The following SLCO4A1 variants were observed in gnomAD, a reference collection of about 807,000 sequenced individuals.
SLCO4A1 encodes solute carrier organic anion transporter family member 4A1.
A neutral mutation model predicts 64.6 loss-of-function variants in SLCO4A1; 51 were observed. That is an observed-to-expected ratio of 0.79 (90% CI 0.63 to 1.00). SLCO4A1 has a LOEUF of 1.00. Ranked by LOEUF, SLCO4A1 falls within the 50% of genes least tolerant of loss-of-function variation. The probability of loss-of-function intolerance (pLI) is 0.00; values close to 1 mark genes in which losing one functional copy is unlikely to be tolerated. For synonymous variants in SLCO4A1, 471 were observed against 444.9 expected, an observed-to-expected ratio of 1.06 and a Z score of -0.74; for missense variants, 919 against 980.5, an observed-to-expected ratio of 0.94 and a Z score of 0.84.
chr20:62,653,781 A>G (rs12233293), intron 1 of SLCO4A1, among the ~76,000 whole-genome samples: 2 of 152,146 alleles, frequency 1.3e-5, no homozygotes, highest in East Asian at 3.9e-4. Context: ...AGGGCTTAAA[A>G]AATAGTTTAT....
chr20:62,661,847 C>T lies in SLCO4A1; in HGVS notation c.1121+672C>T, dbSNP rs957648499. Among the ~76,000 whole-genome samples the T allele has an allele frequency of 1.3e-5, 2 of 151,888 alleles. No homozygotes were observed. The highest frequency in any genetic ancestry group is 2.9e-5 in the Non-Finnish European group (2 of 67,966). On this transcript the variant is annotated intron_variant, in intron 5 of 11. Coordinates refer to ENST00000217159, the MANE Select transcript of SLCO4A1 (RefSeq NM_016354.4). The surrounding 1 kb of genome is among the most constrained non-coding windows in gnomAD (Gnocchi z 5.2). ...CTAGGGTGAACCCGGGGCCCTGAGC[C>T]GGTGGGGTCCTAGAGGGACAACAGA...
chr20:62,666,545 T>G lies in SLCO4A1; in HGVS notation c.1442T>G (p.Met481Arg), dbSNP rs1223259208. The change falls in exon 7 of 12, where the codon ATG (methionine) becomes AGG (arginine). Residue 481 changes from methionine (M) to arginine (R), a missense_variant. Transcript: ENST00000217159. ...VFSLHCPSVP[M>R]AGVTASYGGS... ...TCACTGCACTGCCCCAGTGTGCCCATGGCGGGCGTCACAGCCAGCTACGGC... is the reference window on the plus strand; with the variant it reads ...TCACTGCACTGCCCCAGTGTGCCCAGGGCGGGCGTCACAGCCAGCTACGGC... 1 of 1,612,962 alleles carries G rather than the reference T, an allele frequency of 6.2e-7. No homozygotes were observed. The highest frequency in any genetic ancestry group is 8.5e-7 in the Non-Finnish European group (1 of 1,179,930).
intron 9 of SLCO4A1, 71 bp downstream of exon 9, chr20:62,668,255 C>G (rs372655368): frequency 8.3e-6 from 13 of 1,561,282 alleles, no homozygotes; most frequent in Non-Finnish European, 1.1e-5. Context: ...CTCTGCAGAT[C>G]CTGAGACAGG....
intron 1 of SLCO4A1, among the ~76,000 whole-genome samples, chr20:62,652,616 C>T (rs1290339223): frequency 3.9e-5 from 6 of 152,222 alleles, no homozygotes; most frequent in African/African-American, 7.2e-5. Flanking sequence ...CTTGGGGAGG[C>T]GTGGAGCATT....
At chr20:62,652,895 G>A (rs917484874) in intron 1 of SLCO4A1, among the ~76,000 whole-genome samples, 4 of 152,196 alleles carry the variant, frequency 2.6e-5, no homozygotes, top group African/African-American at 4.8e-5. Context: ...GAGCGTGCAC[G>A]GCTCTTTCAG....
Position 62,656,788 on chromosome 20 carries a change from G to A in SLCO4A1, c.334G>A (p.Ala112Thr). Residue 112 changes from alanine (A) to threonine (T), a missense_variant, in exon 2 of 12, where the codon GCC becomes ACC. Physicochemically the swap from Ala to Thr is moderately conservative, Grantham distance 58 (BLOSUM62 0). Transcript: ENST00000217159. ...GGGCATCCTGTTCTTCCTGTGTGCG[G>A]CCGCATTCCTGCAGGGGATGACTGT... Reference protein sequence around the residue: ...PKGILFFLCAAAFLQGMTVNG... With the variant: ...PKGILFFLCATAFLQGMTVNG... 2 of 1,612,880 alleles carry A rather than the reference G, an allele frequency of 1.2e-6. No homozygotes were observed. Among genetic ancestry groups the A allele is most frequent in the South Asian group, 2.2e-5 (2 of 91,080 alleles).
chr20:62,665,152 A>G (rs1169439136), intron 6 of SLCO4A1, 64 bp downstream of exon 6: 1 of 1,533,488 alleles, frequency 6.5e-7, no homozygotes, highest in East Asian at 2.3e-5. Context: ...AGAGTCTTCA[A>G]GGGCATCTTC....
At chr20:62,658,552 GA>G in intron 2 of SLCO4A1, 124 bp from the exon 3 acceptor site, 1 of 703,162 alleles carries the variant, frequency 1.4e-6, no homozygotes, top group Admixed American at 2.3e-5. Context: ...AGAGGCCCAT[GA>G]GGGGAGTGGG....
At chr20:62,686,796 G>A (rs889174758), downstream of SLCO4A1, among the ~76,000 whole-genome samples, 1 of 151,926 alleles carries the variant, frequency 6.6e-6, no homozygotes, top group African/African-American at 2.4e-5. Flanking sequence ...GAGAAGGGGT[G>A]GCTGGCCAGG....
chr20:62,660,602 C>T lies in SLCO4A1; in HGVS notation c.1009+69C>T, dbSNP rs1302517447. The stretch of plus-strand genomic sequence containing the variant: ...TCCCTTAGTCTTCGCGAAGGGGGCA[C>T]CCCGTTTCCTCTGCTGTCTTTTTCC... On this transcript the variant is annotated intron_variant, in intron 4 of 11. Coordinates refer to ENST00000217159, the MANE Select transcript of SLCO4A1 (RefSeq NM_016354.4). The T allele has an allele frequency of 6.5e-6, 10 of 1,536,912 alleles. No homozygotes were observed. The Admixed American group carries it at 1.5e-4, about 23-fold the overall frequency.
rs1326977069 is a variant in SLCO4A1 at position 62,672,113 on chromosome 20, T to C, written c.*220T>C. On this transcript the variant is annotated 3_prime_UTR_variant, in exon 12 of 12. Coordinates refer to ENST00000217159, the MANE Select transcript of SLCO4A1 (RefSeq NM_016354.4). Reference sequence around the variant, plus strand: ...AAATATATATTTATGGACACACAGTTTGCATCAGAACGTGTTTATAGAATG... The same window carrying C: ...AAATATATATTTATGGACACACAGTCTGCATCAGAACGTGTTTATAGAATG... The C allele has an allele frequency of 3.5e-6, 5 of 1,431,468 alleles. No individual in the cohort carries two copies. The highest frequency in any genetic ancestry group is 4.6e-6 in the Non-Finnish European group (5 of 1,091,448). The allele number at this position is 1,431,468 out of a possible 1,614,324, so 88.7% of individuals were successfully genotyped here.
At chr20:62,655,500 G>A (rs1049330422) in intron 1 of SLCO4A1, among the ~76,000 whole-genome samples, 1 of 152,248 alleles carries the variant, frequency 6.6e-6, no homozygotes, top group Non-Finnish European at 1.5e-5. Context: ...GTAGGGGGGA[G>A]CTGTTGCTCC....
chr20:62,673,957 C>T (rs1377887783), downstream of SLCO4A1, among the ~76,000 whole-genome samples: 1 of 152,240 alleles, frequency 6.6e-6, no homozygotes, highest in Non-Finnish European at 1.5e-5. Flanking sequence ...AAGGGCCAGT[C>T]CTTTGCCGCT....
rs200215386 is a variant in SLCO4A1, at chr20:62,668,516, C to T, written c.1851C>T (p.Ile617=). Reference sequence around the variant, plus strand: ...CTCAGAGATCCTTTGCCCTGGGAATCCAGTGGATTGTAGTTAGAATACTAG... The same window carrying T: ...CTCAGAGATCCTTTGCCCTGGGAATTCAGTGGATTGTAGTTAGAATACTAG... ...RDPQRSFALG[I]QWIVVRILGG... The change falls in exon 10 of 12, where the codon ATC becomes ATT. Residue 617 remains isoleucine (I), a synonymous_variant. Coordinates refer to ENST00000217159, the MANE Select transcript of SLCO4A1 (RefSeq NM_016354.4). The T allele has an allele frequency of 2.4e-4, 393 of 1,613,870 alleles. 5 individuals carry two copies. In the South Asian group the frequency reaches 4.0e-3, roughly 17 times the overall value.
chr20:62,688,517 G>A (rs144069986), downstream of SLCO4A1, among the ~76,000 whole-genome samples: 1,280 of 152,314 alleles, frequency 8.4e-3, 13 homozygotes, highest in African/African-American at 0.028. Context: ...ATTTTCTCGG[G>A]GTTTGGGGCT....
intron 2 of SLCO4A1, among the ~76,000 whole-genome samples, chr20:62,684,992 G>T (rs557728698): frequency 1.3e-5 from 2 of 152,268 alleles, no homozygotes; most frequent in East Asian, 3.9e-4. Context: ...AGGCAGCCAC[G>T]CCAGGGGCTC....
rs148431823 is a variant in SLCO4A1, at chr20:62,659,666, G to A, written c.888-746G>A. Among the ~76,000 whole-genome samples the A allele has an allele frequency of 3.7e-3, 560 of 152,334 alleles. 1 individual carries two copies. The highest frequency in any genetic ancestry group is 0.013 in the African/African-American group (531 of 41,570). On this transcript the variant is annotated intron_variant, in intron 3 of 11. Transcript: ENST00000217159. ...GAGCGGGGTCTGGCCCCCGGAGGCGGCCGCAGCATTTCTGCGCTGGAGCAA... is the reference window on the plus strand; with the variant it reads ...GAGCGGGGTCTGGCCCCCGGAGGCGACCGCAGCATTTCTGCGCTGGAGCAA...
chr20:62,647,568 C>T (rs1292373951), intron 1 of SLCO4A1, among the ~76,000 whole-genome samples: 2 of 152,262 alleles, frequency 1.3e-5, no homozygotes, highest in African/African-American at 4.8e-5. Context: ...TGCTGGGCCA[C>T]AGTAGGTCAG....
intron 11 of SLCO4A1, 96 bp from the exon 12 acceptor site, chr20:62,671,654 C>T (rs1987227345): frequency 1.7e-6 from 2 of 1,184,064 alleles, no homozygotes; most frequent in Non-Finnish European, 2.4e-6. Context: ...GAGGGTGCTG[C>T]AGGCTGGGGC....
Sources: gnomAD v4.1 joint callset for allele counts (sites outside exome capture counted in the v4.1 genomes callset) on GRCh38, gnomAD v4.1.1 for gene constraint, Gnocchi (gnomAD v3.1) non-coding constraint, MANE v1.5 for transcripts, NCBI Gene and HGNC (gene_info 2026-07-23, HGNC 2026-07-21) for gene names.